The following SGCZ variants were observed in gnomAD, a reference collection of about 807,000 sequenced individuals.
SGCZ encodes the protein zeta-sarcoglycan.
A neutral mutation model predicts 41.3 loss-of-function variants in SGCZ; 40 were observed. That is an observed-to-expected ratio of 0.97 (90% CI 0.75 to 1.26). The LOEUF is 1.26. SGCZ is among the 50% of genes most tolerant of loss of function. The probability of loss-of-function intolerance (pLI) is 0.00; values close to 1 mark genes in which losing one functional copy is unlikely to be tolerated. For missense variants in SGCZ, 552 were observed against 369.8 expected, an observed-to-expected ratio of 1.49 and a Z score of -4.04; for synonymous variants, 206 against 137.5, an observed-to-expected ratio of 1.50 and a Z score of -3.49.
intron 1 of SGCZ, among the ~76,000 whole-genome samples, chr8:15,055,818 G>T (rs1192150445): frequency 6.6e-6 from 1 of 152,136 alleles, no homozygotes; most frequent in Non-Finnish European, 1.5e-5. Context: ...TTTCATCCAC[G>T]AACCCAGCCT....
chr8:14,672,520 G>T (rs1026147204), intron 1 of SGCZ, among the ~76,000 whole-genome samples: 1 of 152,152 alleles, frequency 6.6e-6, no homozygotes, highest in African/African-American at 2.4e-5. Context: ...ATTCAAAGAT[G>T]AAAAAGGATG....
intron 1 of SGCZ, among the ~76,000 whole-genome samples, chr8:14,995,193 T>C (rs1272032760): frequency 6.6e-6 from 1 of 152,252 alleles, no homozygotes; most frequent in African/African-American, 2.4e-5. Flanking sequence ...TATCAGGAGA[T>C]GATTTGGTTT....
chr8:14,449,603 T>A (rs1214462150), intron 2 of SGCZ, among the ~76,000 whole-genome samples: 2 of 152,108 alleles, frequency 1.3e-5, no homozygotes, highest in African/African-American at 4.8e-5. Context: ...CCCTCCATCG[T>A]CCCTCCACAG....
intron 3 of SGCZ, among the ~76,000 whole-genome samples, chr8:14,243,277 A>C (rs1412523195): frequency 1.3e-5 from 2 of 152,170 alleles, no homozygotes; most frequent in Non-Finnish European, 2.9e-5. Flanking sequence ...GAAATATAGA[A>C]TTTGCCAACA....
intron 2 of SGCZ, among the ~76,000 whole-genome samples, chr8:14,343,658 G>A (rs759741814): frequency 3.9e-5 from 6 of 152,150 alleles, no homozygotes; most frequent in Non-Finnish European, 7.4e-5. Flanking sequence ...TCATTTCGGA[G>A]CCATAGAGGA....
At chr8:14,947,912 T>G (rs183896001) in intron 1 of SGCZ, among the ~76,000 whole-genome samples, 1 of 152,176 alleles carries the variant, frequency 6.6e-6, no homozygotes, top group Non-Finnish European at 1.5e-5. Flanking sequence ...AATCTGATGA[T>G]GTGAGTTGAT....
chr8:15,101,658 C>T (rs765432453), intron 1 of SGCZ, among the ~76,000 whole-genome samples: 11 of 152,214 alleles, frequency 7.2e-5, no homozygotes, highest in Admixed American at 3.3e-4. Context: ...CGGCCAGGAG[C>T]GGTGGCTCAC....
At chr8:14,406,573 C>T (rs1487412391) in intron 2 of SGCZ, among the ~76,000 whole-genome samples, 4 of 152,116 alleles carry the variant, frequency 2.6e-5, no homozygotes, top group Non-Finnish European at 5.9e-5. Context: ...AGAGGTGGAA[C>T]TCTACTGCCC....
chr8:15,192,949 T>C lies in SGCZ; in HGVS notation c.39+44636A>G, dbSNP rs540121677. Among the ~76,000 whole-genome samples, 10 of 152,170 alleles carry C rather than the reference T, an allele frequency of 6.6e-5. No homozygotes were observed. The South Asian group carries it at 2.1e-3, about 32-fold the overall frequency. Reference sequence around the variant, plus strand: ...CAAAGACAGAGATTCATACCAAATATCATTTTAAAGTGACATCACAAATGA... The same window carrying C: ...CAAAGACAGAGATTCATACCAAATACCATTTTAAAGTGACATCACAAATGA... On this transcript the variant is annotated intron_variant, in intron 1 of 7. Transcript: ENST00000382080.
chr8:14,526,812 T>C (rs1220073554), intron 2 of SGCZ, among the ~76,000 whole-genome samples: 1 of 152,052 alleles, frequency 6.6e-6, no homozygotes, highest in Non-Finnish European at 1.5e-5. Context: ...AGAATTTATC[T>C]ATGACAGATT....
chr8:14,684,495 T>C (rs1449083523), intron 1 of SGCZ, among the ~76,000 whole-genome samples: 2 of 152,208 alleles, frequency 1.3e-5, no homozygotes, highest in Non-Finnish European at 2.9e-5. Context: ...GTGAGTTGGC[T>C]CGTGCTCTTA....
intron 1 of SGCZ, among the ~76,000 whole-genome samples, chr8:14,823,905 A>C (rs1335044816): frequency 6.6e-6 from 1 of 152,184 alleles, no homozygotes; most frequent in Admixed American, 6.5e-5. Flanking sequence ...TTTAAAAAGG[A>C]ATTAAATTCT....
intron 1 of SGCZ, among the ~76,000 whole-genome samples, chr8:14,950,311 A>C (rs566638108): frequency 5.9e-5 from 9 of 151,904 alleles, no homozygotes; most frequent in African/African-American, 1.9e-4. Flanking sequence ...ATAATGTTTT[A>C]TGTATCTCCC....
chr8:14,125,515 AAAG>A (rs200003594), intron 5 of SGCZ, among the ~76,000 whole-genome samples: 26,251 of 149,376 alleles, frequency 0.18, 2,984 homozygotes, highest in East Asian at 0.63. Context: ...AAAAAAAAAA[AAAG>A]AAGAAGAATC....
At chr8:14,431,015 T>C (rs1799928720) in intron 2 of SGCZ, among the ~76,000 whole-genome samples, 1 of 152,088 alleles carries the variant, frequency 6.6e-6, no homozygotes, top group African/African-American at 2.4e-5. Flanking sequence ...CAAGGAAAAC[T>C]ACAAAACACT....
chr8:14,919,639 T>C (rs530216751), intron 1 of SGCZ, among the ~76,000 whole-genome samples: 2 of 152,084 alleles, frequency 1.3e-5, no homozygotes, highest in Non-Finnish European at 2.9e-5. Flanking sequence ...AAAATCAAGC[T>C]GGGTGCGATG....
At chr8:15,088,194 C>A (rs957354525) in intron 1 of SGCZ, among the ~76,000 whole-genome samples, 1 of 152,114 alleles carries the variant, frequency 6.6e-6, no homozygotes, top group Non-Finnish European at 1.5e-5. Context: ...CTATGTTTTA[C>A]AAAAGGTAAC....
At chr8:14,926,373 T>C (rs1224445826) in intron 1 of SGCZ, among the ~76,000 whole-genome samples, 1 of 152,204 alleles carries the variant, frequency 6.6e-6, no homozygotes, top group Admixed American at 6.5e-5. Context: ...GGTAAATACT[T>C]ATAGAACCAT....
chr8:14,257,881 T>C (rs1168833775), intron 3 of SGCZ, among the ~76,000 whole-genome samples: 1 of 152,216 alleles, frequency 6.6e-6, no homozygotes, highest in Non-Finnish European at 1.5e-5. Flanking sequence ...TTACTGATTA[T>C]ATTCTTATAT....
Sources: gnomAD v4.1 joint callset for allele counts (sites outside exome capture counted in the v4.1 genomes callset) on GRCh38, gnomAD v4.1.1 for gene constraint, MANE v1.5 for transcripts, NCBI Gene and HGNC (gene_info 2026-07-23, HGNC 2026-07-21) for gene names.